APLF: variants seen among roughly 807,000 people sequenced by gnomAD.
APLF encodes aprataxin and PNKP like factor.
Under a neutral mutation model 55.6 loss-of-function variants are expected in APLF, and 61 were observed. The observed-to-expected ratio is 1.10, with a 90% CI of 0.89 to 1.36. APLF has a LOEUF of 1.36. APLF is among the 40% of genes most tolerant of loss of function. APLF has a pLI of 0.00. For missense variants in APLF, 611 were observed against 602.5 expected, an observed-to-expected ratio of 1.01 and a Z score of -0.15; for synonymous variants, 207 against 214.8, an observed-to-expected ratio of 0.96 and a Z score of 0.32.
intron 6 of APLF, among the ~76,000 whole-genome samples, chr2:68,534,642 T>C (rs1210882868): frequency 6.6e-6 from 1 of 152,168 alleles, no homozygotes; most frequent in East Asian, 1.9e-4. Context: ...GTCTCTAACA[T>C]GTATATTTAC....
At position 68,545,348 on chromosome 2, in the gene APLF, TTTC is replaced by T; in HGVS notation, c.1286+39_1286+41del. On this transcript the variant is annotated intron_variant, in intron 8 of 9. Transcript: ENST00000303795. ...TGAATGTTTGGCTGCACTCCTTTTC[TTTC>T]TTATCTCTGTTACTTATCTAGGAGA... is the stretch of plus-strand genomic sequence containing the variant. 2.5e-6 allele frequency: 4 copies of T among 1,589,174 alleles called. No individual in the cohort carries two copies. In the South Asian group the frequency reaches 4.6e-5, roughly 18 times the overall value.
At chr2:68,508,112 A>G (rs1676928537) in intron 3 of APLF, among the ~76,000 whole-genome samples, 1 of 151,910 alleles carries the variant, frequency 6.6e-6, no homozygotes, top group Non-Finnish European at 1.5e-5. Flanking sequence ...TAACATAAAC[A>G]AAATTTGGAA....
At chr2:68,505,892 C>A (rs868790897) in intron 3 of APLF, among the ~76,000 whole-genome samples, 3 of 151,970 alleles carry the variant, frequency 2.0e-5, no homozygotes, top group South Asian at 2.1e-4. Context: ...AGCCCCTTTT[C>A]CCTCCCTGGT....
At chr2:68,525,137 T>C (rs1014474239) in intron 5 of APLF, among the ~76,000 whole-genome samples, 6 of 152,032 alleles carry the variant, frequency 3.9e-5, no homozygotes, top group Admixed American at 2.0e-4. Context: ...CTACTAAAAA[T>C]ACAAAATTTA....
intron 7 of APLF, 102 bp from the exon 8 acceptor site, chr2:68,545,085 C>T: frequency 7.3e-7 from 1 of 1,373,362 alleles, no homozygotes; most frequent in Non-Finnish European, 1.0e-6. Context: ...GGTTTATGTT[C>T]AAGGATAGCC....
At chr2:68,514,391 G>C (rs1239643159) in intron 5 of APLF, among the ~76,000 whole-genome samples, 1 of 151,740 alleles carries the variant, frequency 6.6e-6, no homozygotes, top group Admixed American at 6.6e-5. Flanking sequence ...ATGATACATT[G>C]TAGAGGCTCT....
At chr2:68,504,014 A>G (rs528335160) in intron 3 of APLF, among the ~76,000 whole-genome samples, 2 of 152,150 alleles carry the variant, frequency 1.3e-5, no homozygotes, top group African/African-American at 4.8e-5. Flanking sequence ...GGATATCATT[A>G]CTGCTACTAC....
intron 2 of APLF, among the ~76,000 whole-genome samples, chr2:68,495,687 C>G (rs1016196169): frequency 1.3e-5 from 2 of 152,246 alleles, no homozygotes; most frequent in Non-Finnish European, 2.9e-5. Context: ...AGTAGAAGTT[C>G]TCTTGTAAGG....
chr2:68,475,767 T>C (rs2103877585), intron 1 of APLF, among the ~76,000 whole-genome samples: 1 of 152,276 alleles, frequency 6.6e-6, no homozygotes, highest in South Asian at 2.1e-4. Context: ...TCAGCATAGA[T>C]GACTGAGCTC....
rs1050258289 is a variant in APLF, at chr2:68,528,949, C to T, written c.804+2707C>T. ...TGCTACAGGGGCCCCTTTTATTGTC[C>T]TCCTGCTCCTGGGTCTGTACCTGGT... On this transcript the variant is annotated intron_variant, in intron 6 of 9. Transcript: ENST00000303795. 4 of 1,525,302 alleles carry T rather than the reference C, an allele frequency of 2.6e-6. No individual in the cohort carries two copies. The African/African-American group carries it at 4.1e-5, about 16-fold the overall frequency. The allele number at this position is 1,525,302 out of a possible 1,614,324, so 94.5% of individuals were successfully genotyped here. A position where few individuals can be genotyped will look rare whatever the true frequency, so the allele number is the denominator to read the frequency against.
At chr2:68,577,064 A>G (rs764473607) in intron 9 of APLF, among the ~76,000 whole-genome samples, 6 of 152,306 alleles carry the variant, frequency 3.9e-5, no homozygotes, top group South Asian at 2.1e-4. Flanking sequence ...TGTAAATTCT[A>G]ATGTCTATTA....
In APLF at chr2:68,578,500, T is replaced by C. The variant is rs2104092383; in HGVS notation, c.*478T>C. The C allele has an allele frequency of 3.0e-6, 3 of 987,268 alleles. No individual in the cohort carries two copies. The highest frequency in any genetic ancestry group is 3.6e-6 in the Non-Finnish European group (3 of 831,280). 61.2% of individuals were successfully genotyped at this position (987,268 alleles called of 1,614,324 possible). On this transcript the variant is annotated 3_prime_UTR_variant, in exon 10 of 10. Transcript: ENST00000303795. The stretch of plus-strand genomic sequence containing the variant: ...AGCCATTACATAATGGCGTTTTTTT[T>C]CTAGTACCTTAGATGTGAGCTTTGC...
At position 68,526,177 on chromosome 2, in the gene APLF, G is replaced by A. The variant is rs1670040193; in HGVS notation, c.739G>A (p.Ala247Thr). 1 of 1,613,820 alleles carries A rather than the reference G, an allele frequency of 6.2e-7. No homozygotes were observed. Among genetic ancestry groups the A allele is most frequent in the Non-Finnish European group, 8.5e-7 (1 of 1,179,956 alleles). ...ISSGSSENTS[A>T]EQDTGEECKN... is the part of the protein sequence containing the mutation. ...ATCAGGAAGTTCAGAAAATACATCAGCAGAACAAGACACAGGAGAAGAGTG... is the reference window on the plus strand; with the variant it reads ...ATCAGGAAGTTCAGAAAATACATCAACAGAACAAGACACAGGAGAAGAGTG... Residue 247 changes from alanine to threonine, a missense_variant, in exon 6 of 10, where the codon GCA becomes ACA. Coordinates refer to ENST00000303795, the MANE Select transcript of APLF (RefSeq NM_173545.3).
chr2:68,477,719 A>G (rs1352863220), intron 1 of APLF, among the ~76,000 whole-genome samples: 1 of 152,182 alleles, frequency 6.6e-6, no homozygotes, highest in Admixed American at 6.5e-5. Context: ...TAATAGACTC[A>G]CAGTTCCACA....
Position 68,513,614 on chromosome 2 carries a change from C to T in APLF, c.556C>T (p.Leu186Phe). The change falls in exon 5 of 10, where the codon CTT becomes TTT. Residue 186 changes from leucine (L) to phenylalanine (F), a missense_variant. Coordinates refer to ENST00000303795, the MANE Select transcript of APLF (RefSeq NM_173545.3). ...QPILAERKRI[L>F]PTWMLAEHLS... The stretch of plus-strand genomic sequence containing the variant: ...AATCCTTGCCGAGAGGAAAAGAATC[C>T]TTCCAACTTGGATGTTAGCAGAACA... The T allele has an allele frequency of 3.1e-6, 5 of 1,611,552 alleles. No homozygotes were observed. Among genetic ancestry groups the T allele is most frequent in the Non-Finnish European group, 4.2e-6 (5 of 1,178,320 alleles).
At position 68,577,865 on chromosome 2, in the gene APLF, A is replaced by G; in HGVS notation, c.1379A>G (p.Asn460Ser). ...DEDNDNVGQP[N>S]EYDLNDSFLD... ...GATAATGATAATGTTGGGCAACCCA[A>G]TGAGTATGACCTGAACGACAGCTTT... The change falls in exon 10 of 10, where the codon AAT (asparagine) becomes AGT (serine). Residue 460 changes from asparagine to serine, a missense_variant. Transcript: ENST00000303795. The G allele has an allele frequency of 1.2e-6, 2 of 1,613,598 alleles. No individual in the cohort carries two copies. Among genetic ancestry groups the G allele is most frequent in the East Asian group, 2.2e-5 (1 of 44,836 alleles).
At chr2:68,515,550 A>G in intron 5 of APLF, 1 of 968,790 alleles carries the variant, frequency 1.0e-6, no homozygotes, top group Non-Finnish European at 1.2e-6. Flanking sequence ...TTCAACATGT[A>G]TTTCATTTCA....
chr2:68,516,445 T>TA (rs1045865186), intron 5 of APLF, among the ~76,000 whole-genome samples: 2 of 151,364 alleles, frequency 1.3e-5, no homozygotes, highest in African/African-American at 2.4e-5. Flanking sequence ...TATATATATA[T>TA]TTTTTATTTC....
intron 7 of APLF, among the ~76,000 whole-genome samples, chr2:68,538,771 A>G (rs1389755866): frequency 1.3e-5 from 2 of 148,710 alleles, no homozygotes; most frequent in African/African-American, 4.9e-5. Context: ...AATTCAAATT[A>G]TAATCTCTTA....
Sources: allele counts gnomAD v4.1 joint callset (sites outside exome capture counted in the v4.1 genomes callset), GRCh38; gene constraint gnomAD v4.1.1; transcripts MANE v1.5; gene names NCBI Gene and HGNC (gene_info 2026-07-23, HGNC 2026-07-21).